SLC10A7: variants seen among roughly 807,000 people sequenced by gnomAD.
SLC10A7 encodes sodium/bile acid cotransporter 7.
SLC10A7 carries 29 observed loss-of-function variants against 43.2 expected under a neutral mutation model. The ratio of observed to expected loss-of-function variants is 0.67; its 90% CI spans 0.50 to 0.92. SLC10A7 has a LOEUF of 0.92. Ranked by LOEUF, SLC10A7 falls within the 40% of genes least tolerant of loss-of-function variation. The pLI is 0.00. For synonymous variants in SLC10A7, 152 were observed against 144.8 expected (o/e 1.05, Z -0.35); for missense variants, 295 against 403.2 (o/e 0.73, Z 2.30).
intron 4 of SLC10A7, among the ~76,000 whole-genome samples, chr4:146,456,842 T>C (rs1446479425): frequency 6.6e-6 from 1 of 151,910 alleles, no homozygotes; most frequent in Non-Finnish European, 1.5e-5. Context: ...GTCTTTCTGG[T>C]GGCCAGTTCC....
At chr4:146,478,607 T>C (rs1002115454) in intron 4 of SLC10A7, among the ~76,000 whole-genome samples, 3 of 152,204 alleles carry the variant, frequency 2.0e-5, no homozygotes, top group Admixed American at 6.5e-5. Context: ...ACAAAGATTT[T>C]AATTGTCAGC....
intron 6 of SLC10A7, among the ~76,000 whole-genome samples, chr4:146,323,982 A>C (rs1560798399): frequency 6.6e-6 from 1 of 152,238 alleles, no homozygotes; most frequent in Non-Finnish European, 1.5e-5. Flanking sequence ...AAGTCTCAGT[A>C]TACAAAATCA....
intron 6 of SLC10A7, among the ~76,000 whole-genome samples, chr4:146,315,951 A>G (rs984835025): frequency 6.6e-6 from 1 of 152,068 alleles, no homozygotes; most frequent in African/African-American, 2.4e-5. Flanking sequence ...CCTCCTTCCA[A>G]TAAATATTTA....
chr4:146,471,688 A>C (rs775401482), intron 4 of SLC10A7, among the ~76,000 whole-genome samples: 54 of 152,186 alleles, frequency 3.5e-4, no homozygotes, highest in Non-Finnish European at 6.3e-4. Context: ...ACTCTATGTC[A>C]CACCAAATTA....
intron 5 of SLC10A7, among the ~76,000 whole-genome samples, chr4:146,331,319 C>T (rs1435841707): frequency 1.3e-5 from 2 of 152,130 alleles, no homozygotes; most frequent in Non-Finnish European, 2.9e-5. Flanking sequence ...TACTTAACCA[C>T]CTTTGTTTAA....
intron 4 of SLC10A7, among the ~76,000 whole-genome samples, chr4:146,473,452 A>G (rs1158307996): frequency 6.6e-6 from 1 of 152,200 alleles, no homozygotes; most frequent in Non-Finnish European, 1.5e-5. Flanking sequence ...GGTATATTCC[A>G]CTGAAAATTT....
chr4:146,448,237 A>T (rs1030778477), intron 4 of SLC10A7, among the ~76,000 whole-genome samples: 5 of 151,980 alleles, frequency 3.3e-5, no homozygotes, highest in Admixed American at 2.6e-4. Flanking sequence ...ATTAAAAAAT[A>T]AAAAAAATTT....
intron 10 of SLC10A7, among the ~76,000 whole-genome samples, chr4:146,269,037 T>G (rs553400078): frequency 7.9e-5 from 12 of 152,308 alleles, no homozygotes; most frequent in African/African-American, 2.9e-4. Context: ...TTTTAGGACA[T>G]TAAGAAAATT....
At chr4:146,365,096 C>G (rs963133240) in intron 5 of SLC10A7, among the ~76,000 whole-genome samples, 2 of 152,014 alleles carry the variant, frequency 1.3e-5, no homozygotes, top group African/African-American at 2.4e-5. Flanking sequence ...TCAAAGAAAT[C>G]TGAAATTCTA....
chr4:146,414,652 G>C (rs1030488247), intron 5 of SLC10A7, among the ~76,000 whole-genome samples: 1 of 151,898 alleles, frequency 6.6e-6, no homozygotes, highest in African/African-American at 2.4e-5. Flanking sequence ...GAACCCAGGA[G>C]ACGGAGGTTG....
chr4:146,293,642 A>C (rs1172049046), intron 8 of SLC10A7, among the ~76,000 whole-genome samples: 1 of 152,172 alleles, frequency 6.6e-6, no homozygotes, highest in Non-Finnish European at 1.5e-5. Flanking sequence ...CACAGTGCTT[A>C]ATCTAACATT....
At chr4:146,451,020 G>GA (rs200841287) in intron 4 of SLC10A7, among the ~76,000 whole-genome samples, 35 of 141,512 alleles carry the variant, frequency 2.5e-4, no homozygotes, top group Admixed American at 7.7e-4. Flanking sequence ...ATATACTAAA[G>GA]AAAAAAAAAA....
At chr4:146,323,342 G>T (rs979373519) in intron 6 of SLC10A7, among the ~76,000 whole-genome samples, 3 of 152,166 alleles carry the variant, frequency 2.0e-5, no homozygotes, top group Admixed American at 6.5e-5. Context: ...TTTTCTTCTA[G>T]GGTTTTTATG....
intron 5 of SLC10A7, among the ~76,000 whole-genome samples, chr4:146,334,335 T>C (rs1372334456): frequency 6.6e-6 from 1 of 152,092 alleles, no homozygotes; most frequent in East Asian, 1.9e-4. Context: ...ATGTAGACTA[T>C]AGATTGAAGC....
At chr4:146,512,221 G>T (rs891439156) in intron 2 of SLC10A7, among the ~76,000 whole-genome samples, 2 of 151,966 alleles carry the variant, frequency 1.3e-5, no homozygotes, top group African/African-American at 4.8e-5. Context: ...TGATCCACCC[G>T]CCTTGGCCTC....
chr4:146,322,801 T>A (rs191687353), intron 6 of SLC10A7, among the ~76,000 whole-genome samples: 2 of 152,238 alleles, frequency 1.3e-5, no homozygotes, highest in East Asian at 1.9e-4. Context: ...CACCACACTG[T>A]CTTCCACAAT....
At position 146,434,837 on chromosome 4, in the gene SLC10A7, T is replaced by C. The variant is rs145472543; in HGVS notation, c.435+7946A>G. On this transcript the variant is annotated intron_variant, in intron 5 of 11. Transcript: ENST00000335472. ...TCGGCCTCCCAAAGTCCTGAGATTA[T>C]AGGGATGAGCCACCACGCCCACCTA... Among the ~76,000 whole-genome samples, 332 of 152,234 alleles carry C rather than the reference T, an allele frequency of 2.2e-3. 4 individuals are homozygous for C. Among genetic ancestry groups the C allele is most frequent in the African/African-American group, 7.7e-3 (321 of 41,546 alleles).
rs1415436144 is a variant in SLC10A7, at chr4:146,521,597, CG to C, written c.100+20del. The C allele has an allele frequency of 6.3e-7, 1 of 1,598,660 alleles. No homozygotes were observed. Among genetic ancestry groups the C allele is most frequent in the South Asian group, 1.1e-5 (1 of 90,174 alleles). The stretch of plus-strand genomic sequence containing the variant: ...TCTGAAGTGGGAGCCGCGGTGGAGC[CG>C]GCAGAGGTGCAGCACTTACCCCCAT... On this transcript the variant is annotated intron_variant, in intron 1 of 11. Coordinates refer to ENST00000335472, the MANE Select transcript of SLC10A7 (RefSeq NM_001029998.6).
At chr4:146,498,306 C>T (rs956079282) in intron 4 of SLC10A7, among the ~76,000 whole-genome samples, 3 of 152,062 alleles carry the variant, frequency 2.0e-5, no homozygotes, top group Non-Finnish European at 2.9e-5. Flanking sequence ...TTAGTAGAGA[C>T]GAGGTTTCCC....
Sources: gnomAD v4.1 joint callset for allele counts (sites outside exome capture counted in the v4.1 genomes callset) on GRCh38, gnomAD v4.1.1 for gene constraint, MANE v1.5 for transcripts, NCBI Gene and HGNC (gene_info 2026-07-23, HGNC 2026-07-21) for gene names.